Variants in NPIPB2 observed in about 807,000 individuals in gnomAD.
The protein encoded by NPIPB2 is nuclear pore complex-interacting protein family member B2.
A neutral mutation model predicts 30.8 loss-of-function variants in NPIPB2; 27 were observed. The ratio of observed to expected loss-of-function variants is 0.88; its 90% CI spans 0.65 to 1.21. The LOEUF (loss-of-function observed/expected upper bound fraction) is 1.21, where lower values mean the gene tolerates loss of function less well. Ranked by LOEUF, NPIPB2 falls within the 50% of genes most tolerant of loss-of-function variation. The probability of loss-of-function intolerance (pLI) is 0.00; values close to 1 mark genes in which losing one functional copy is unlikely to be tolerated. For synonymous variants in NPIPB2, 147 were observed against 162.0 expected, an observed-to-expected ratio of 0.91 and a Z score of 0.70; for missense variants, 440 against 446.2, an observed-to-expected ratio of 0.99 and a Z score of 0.13.
At chr16:11,927,289 C>T, downstream of NPIPB2, 1 of 718,198 alleles carries the variant, frequency 1.4e-6, no homozygotes. Context: ...TTTATTTATT[C>T]TTTGTTAGTT....
Position 11,933,454 on chromosome 16 carries a change from C to A in NPIPB2, c.488+63G>T, listed in dbSNP as rs2054818173. 1.9e-6 allele frequency: 3 copies of A among 1,592,234 alleles called. No homozygotes were observed. The African/African-American group carries it at 4.0e-5, about 21-fold the overall frequency. On this transcript the variant is annotated intron_variant, in intron 4 of 7. Transcript: ENST00000399147. Reference sequence around the variant, plus strand: ...GTAGAAAATATTCTCAAGGACTTTACAGTTGTCTACTTTGATTGGCACATG... The same window carrying A: ...GTAGAAAATATTCTCAAGGACTTTAAAGTTGTCTACTTTGATTGGCACATG...
chr16:11,966,101 A>G lies in NPIPB2; in HGVS notation c.-584+10467T>C, dbSNP rs552521690. ...ACTCTAGCCTGGGCAACAGAGCAAG[A>G]CTTTGTCTCAAAATAAATAAATAAA... is the stretch of plus-strand genomic sequence containing the variant. On this transcript the variant is annotated intron_variant, in intron 1 of 5. Transcript: ENST00000538896. 3.7e-6 allele frequency: 5 copies of G among 1,345,274 alleles called. No homozygotes were observed. In the East Asian group the frequency reaches 1.1e-4, roughly 28 times the overall value. The allele number at this position is 1,345,274 out of a possible 1,614,324, so 83.3% of individuals were successfully genotyped here.
At chr16:11,966,445 C>T (rs2055194987) in intron 1 of NPIPB2, 2 of 1,200,718 alleles carry the variant, frequency 1.7e-6, no homozygotes, top group Admixed American at 2.2e-5. Flanking sequence ...TTCGTTACAG[C>T]CCTTTCGAAT....
chr16:11,967,893 A>G (rs2150942235), intron 1 of NPIPB2: 2 of 1,587,816 alleles, frequency 1.3e-6, no homozygotes, highest in East Asian at 2.2e-5. Context: ...ATCTTTTGTC[A>G]GAATAGATGA....
chr16:11,967,272 G>A (rs2055201736), intron 1 of NPIPB2: 1 of 324,458 alleles, frequency 3.1e-6, no homozygotes, highest in African/African-American at 2.1e-5. Flanking sequence ...AAAGTGCTGG[G>A]ATTACAGGCG....
chr16:11,972,535 A>G (rs754774084), intron 1 of NPIPB2, among the ~76,000 whole-genome samples: 6 of 152,094 alleles, frequency 3.9e-5, no homozygotes, highest in Middle Eastern at 6.3e-3. Context: ...AGATCACACC[A>G]CTGCACTCCA....
rs1236516311 is a variant in NPIPB2, at chr16:11,940,513, C to T, written c.63+1470G>A. 1.7e-4 allele frequency among the ~76,000 whole-genome samples: 25 copies of T among 149,980 alleles called. No homozygotes were observed. The South Asian group carries it at 4.8e-3, about 29-fold the overall frequency. On this transcript the variant is annotated intron_variant, in intron 1 of 7. Transcript: ENST00000399147. ...CCCAGCACTGGGAGGCTGAGGCAGG[C>T]GGATCACGAGGTCAAGAGATGGAGA...
chr16:11,974,909 T>TA (rs996793831), intron 1 of NPIPB2, among the ~76,000 whole-genome samples: 9 of 151,362 alleles, frequency 5.9e-5, no homozygotes, highest in Admixed American at 1.3e-4. Flanking sequence ...CCGTCTCTAC[T>TA]AAAAAAATAC....
chr16:11,974,437 A>G (rs923522256), intron 1 of NPIPB2, among the ~76,000 whole-genome samples: 8 of 152,154 alleles, frequency 5.3e-5, no homozygotes, highest in African/African-American at 1.9e-4. Flanking sequence ...GAATCACTAG[A>G]ACCCGGGAAG....
intron 1 of NPIPB2, among the ~76,000 whole-genome samples, chr16:11,950,763 T>C (rs939510152): frequency 6.6e-6 from 1 of 152,058 alleles, no homozygotes; most frequent in Non-Finnish European, 1.5e-5. Flanking sequence ...ACCAAGTAGA[T>C]ATCATGTGTC....
intron 1 of NPIPB2, chr16:11,967,640 G>C (rs768234958): frequency 4.3e-6 from 7 of 1,614,008 alleles, no homozygotes; most frequent in African/African-American, 2.7e-5. Flanking sequence ...TTATTCTTCC[G>C]AGAGGCCTCG....
intron 4 of NPIPB2, among the ~76,000 whole-genome samples, chr16:11,931,532 A>G (rs1356751186): frequency 1.3e-5 from 2 of 152,204 alleles, no homozygotes; most frequent in East Asian, 1.9e-4. Context: ...AGTGGCCTCA[A>G]ACAAGGTGTG....
intron 1 of NPIPB2, among the ~76,000 whole-genome samples, chr16:11,959,758 ACTAC>A (rs1240652223): frequency 2.0e-5 from 3 of 152,156 alleles, no homozygotes; most frequent in Non-Finnish European, 4.4e-5. Context: ...CTATTCAGAC[ACTAC>A]CTATTTTATT....
At chr16:11,962,116 T>C (rs552454566) in intron 1 of NPIPB2, among the ~76,000 whole-genome samples, 9 of 149,202 alleles carry the variant, frequency 6.0e-5, no homozygotes, top group African/African-American at 2.2e-4. Context: ...GAGGATCGCT[T>C]AAGCCCAGAA....
downstream of NPIPB2, chr16:11,927,334 ATTTT>A (rs1307738467): frequency 2.5e-6 from 2 of 816,002 alleles, no homozygotes; most frequent in East Asian, 5.3e-5. Context: ...TTGTTTTTTG[ATTTT>A]TTTATTTTGT....
intron 2 of NPIPB2, among the ~76,000 whole-genome samples, chr16:11,935,341 AGT>A (rs2054851100): frequency 6.6e-6 from 1 of 152,276 alleles, no homozygotes; most frequent in East Asian, 1.9e-4. Context: ...CTTGAGACGG[AGT>A]GTCACTCTCA....
intron 1 of NPIPB2, among the ~76,000 whole-genome samples, chr16:11,962,611 C>CAAAAAAAAAAAAAAAAA (rs765156261): frequency 2.9e-5 from 1 of 34,638 alleles, no homozygotes. Context: ...GATTCTGTCT[C>CAAAAAAAAAAAAAAAAA]AAAAAAAAAA....
rs371046744 is a variant in NPIPB2 at position 11,975,436 on chromosome 16, C to T, written c.-584+1132G>A. Among the ~76,000 whole-genome samples the T allele has an allele frequency of 1.4e-3, 208 of 151,984 alleles. No homozygotes were observed. In the South Asian group the frequency reaches 0.017, roughly 12 times the overall value. On this transcript the variant is annotated intron_variant, in intron 1 of 5. Coordinates refer to the NPIPB2 transcript ENST00000538896. Reference sequence around the variant, plus strand: ...TGCTGGGATTACAGGCGTGAGCCACCGCGCCCGGCCAATCCATCACCTTTT... The same window carrying T: ...TGCTGGGATTACAGGCGTGAGCCACTGCGCCCGGCCAATCCATCACCTTTT...
chr16:11,968,055 C>A (rs201687396), intron 1 of NPIPB2: 2 of 508,858 alleles, frequency 3.9e-6, no homozygotes, highest in Non-Finnish European at 6.7e-6. Flanking sequence ...TGATTAAACT[C>A]TTTTTTTTCC....
Sources: gnomAD v4.1 joint callset for allele counts (sites outside exome capture counted in the v4.1 genomes callset) on GRCh38, gnomAD v4.1.1 for gene constraint, MANE v1.5 for transcripts, NCBI Gene and HGNC (gene_info 2026-07-23, HGNC 2026-07-21) for gene names.